Variants in CIT observed in about 807,000 individuals in gnomAD.
The protein encoded by CIT is citron rho-interacting serine/threonine kinase.
In CIT, 79 loss-of-function variants were observed where a neutral mutation model predicts 272.7. The observed-to-expected ratio is 0.29, with a 90% CI of 0.24 to 0.35. The LOEUF (loss-of-function observed/expected upper bound fraction) is 0.35. Ranked by LOEUF, CIT falls within the 10% of genes least tolerant of loss-of-function variation. CIT has a pLI of 1.00. For missense variants in CIT, 1,909 were observed against 2,618.3 expected, an observed-to-expected ratio of 0.73 and a Z score of 5.91; for synonymous variants, 948 against 995.6, an observed-to-expected ratio of 0.95 and a Z score of 0.90.
intron 29 of CIT, among the ~76,000 whole-genome samples, chr12:119,720,892 C>A (rs574718198): frequency 6.6e-6 from 1 of 152,214 alleles, no homozygotes; most frequent in Admixed American, 6.5e-5. Flanking sequence ...GGAAAATACA[C>A]ACAATATGCA....
At chr12:119,701,776 G>C (rs781522619) in intron 42 of CIT, 24 bp from the exon 43 acceptor site, 5 of 1,614,106 alleles carry the variant, frequency 3.1e-6, no homozygotes, top group Non-Finnish European at 4.2e-6. Context: ...CGAGAAGCGG[G>C]GCTTCAGGAG....
chr12:119,742,509 A>T, intron 23 of CIT, 45 bp from the exon 24 acceptor site: 8 of 1,411,600 alleles, frequency 5.7e-6, no homozygotes, highest in East Asian at 2.3e-5. Flanking sequence ...AGGGTAGAAT[A>T]CAATTCTACA....
chr12:119,855,771 GTATACC>G (rs1970547502), intron 4 of CIT, among the ~76,000 whole-genome samples: 1 of 152,114 alleles, frequency 6.6e-6, no homozygotes, highest in South Asian at 2.1e-4. Flanking sequence ...CTGGAGGAAG[GTATACC>G]TATTTGAATA....
chr12:119,746,572 C>A, intron 23 of CIT, among the ~76,000 whole-genome samples: 1 of 152,188 alleles, frequency 6.6e-6, no homozygotes, highest in East Asian at 1.9e-4. Flanking sequence ...ATTCCACTTT[C>A]TTATTAACAG....
intron 41 of CIT, 81 bp from the exon 42 acceptor site, chr12:119,702,039 C>T (rs917871606): frequency 2.0e-6 from 2 of 985,696 alleles, no homozygotes; most frequent in African/African-American, 1.6e-5. Flanking sequence ...CTTCTGCCTA[C>T]AGCATCTAGC....
chr12:119,792,262 G>A (rs1965370605), intron 10 of CIT, among the ~76,000 whole-genome samples: 1 of 152,064 alleles, frequency 6.6e-6, no homozygotes, highest in South Asian at 2.1e-4. Flanking sequence ...ATATTCTTGG[G>A]AAAACCAAGA....
At chr12:119,761,160 G>C (rs1029240198) in intron 19 of CIT, 105 bp from the exon 20 acceptor site, 10 of 878,868 alleles carry the variant, frequency 1.1e-5, no homozygotes, top group East Asian at 9.7e-5. Flanking sequence ...AAAAGCAGGG[G>C]AGAGGCCCGA....
At position 119,714,401 on chromosome 12, in the gene CIT, C is replaced by A. The variant is rs116343704; in HGVS notation, c.4169-67G>T. 6.9e-4 allele frequency: 1,069 copies of A among 1,558,258 alleles called. 8 individuals are homozygous for A. The African/African-American group carries it at 0.013, about 20-fold the overall frequency. Reference sequence around the variant, plus strand: ...TGATCCCATCAGGAAAGTGAAAAGACAACCCACAGAAAGGGAAAAAATACT... The same window carrying A: ...TGATCCCATCAGGAAAGTGAAAAGAAAACCCACAGAAAGGGAAAAAATACT... On this transcript the variant is annotated intron_variant, in intron 32 of 47. Transcript: ENST00000392521.
chr12:119,843,685 C>T (rs1321597883), intron 5 of CIT, among the ~76,000 whole-genome samples: 1 of 151,966 alleles, frequency 6.6e-6, no homozygotes, highest in Non-Finnish European at 1.5e-5. Flanking sequence ...TGTTGCATGC[C>T]TATAATCCCA....
At chr12:119,707,104 ATACT>A (rs1956915069) in intron 40 of CIT, among the ~76,000 whole-genome samples, 1 of 152,170 alleles carries the variant, frequency 6.6e-6, no homozygotes, top group African/African-American at 2.4e-5. Flanking sequence ...GTAATGAAAC[ATACT>A]TTCATCTAGT....
intron 13 of CIT, among the ~76,000 whole-genome samples, chr12:119,778,267 G>C (rs1355263142): frequency 4.6e-5 from 7 of 152,110 alleles, no homozygotes; most frequent in African/African-American, 1.7e-4. Context: ...CTCAGAACTG[G>C]GCTCACCAAA....
intron 19 of CIT, among the ~76,000 whole-genome samples, chr12:119,765,902 A>G (rs1593655195): frequency 6.6e-6 from 1 of 152,230 alleles, no homozygotes; most frequent in African/African-American, 2.4e-5. Flanking sequence ...GAAAGGAAAG[A>G]AAAGGAAATC....
In CIT at chr12:119,876,051, A is replaced by C. The variant is rs758190696; in HGVS notation, c.96+22T>G. On this transcript the variant is annotated intron_variant, in intron 2 of 47. Coordinates refer to ENST00000392521, the MANE Select transcript of CIT (RefSeq NM_001206999.2). The stretch of plus-strand genomic sequence containing the variant: ...TCCAAGGACACACACAGGTGAGCAA[A>C]GTTGGCAGGGTAGGCTGTTACCTGG... 2.6e-6 allele frequency: 4 copies of C among 1,543,226 alleles called. No homozygotes were observed. The South Asian group carries it at 3.4e-5, about 13-fold the overall frequency.
chr12:119,702,411 C>G (rs980821171), intron 41 of CIT, among the ~76,000 whole-genome samples: 3 of 152,120 alleles, frequency 2.0e-5, no homozygotes, highest in African/African-American at 7.2e-5. Context: ...CCAGGCTGGG[C>G]GCAGTAGCTT....
intron 3 of CIT, among the ~76,000 whole-genome samples, chr12:119,859,459 C>A (rs554242763): frequency 3.3e-5 from 5 of 152,170 alleles, no homozygotes; most frequent in Admixed American, 3.3e-4. Flanking sequence ...ATACCACAGT[C>A]AGTGAGTGGC....
At chr12:119,763,438 A>T (rs1392607279) in intron 19 of CIT, among the ~76,000 whole-genome samples, 3 of 152,170 alleles carry the variant, frequency 2.0e-5, no homozygotes. Flanking sequence ...TTTGTTACAC[A>T]GACTGGTCTC....
chr12:119,818,535 A>G (rs1382646126), intron 9 of CIT, among the ~76,000 whole-genome samples: 1 of 152,222 alleles, frequency 6.6e-6, no homozygotes, highest in Middle Eastern at 3.2e-3. Context: ...CCTATTTGGA[A>G]GAAGACTATC....
At position 119,749,190 on chromosome 12, in the gene CIT, C is replaced by A. The variant is rs554447064; in HGVS notation, c.2904+2860G>T. Among the ~76,000 whole-genome samples the A allele has an allele frequency of 8.5e-5, 13 of 152,344 alleles. No homozygotes were observed. The East Asian group carries it at 1.4e-3, about 16-fold the overall frequency. On this transcript the variant is annotated intron_variant, in intron 23 of 47. Coordinates refer to ENST00000392521, the MANE Select transcript of CIT (RefSeq NM_001206999.2). ...CAGGGATGGAGGCCAAACAAGGTAA[C>A]TGCTCCCTTTCACAGGCTAGGAGAT... is the stretch of plus-strand genomic sequence containing the variant.
chr12:119,800,546 AAC>A (rs1381002723), intron 10 of CIT, among the ~76,000 whole-genome samples: 2 of 152,250 alleles, frequency 1.3e-5, no homozygotes, highest in Non-Finnish European at 2.9e-5. Context: ...TCCACCTCTG[AAC>A]ATTTCATTCA....
Sources: gnomAD v4.1 joint callset for allele counts (sites outside exome capture counted in the v4.1 genomes callset) on GRCh38, gnomAD v4.1.1 for gene constraint, MANE v1.5 for transcripts, NCBI Gene and HGNC (gene_info 2026-07-23, HGNC 2026-07-21) for gene names.